The following SCHIP1 variants were observed in gnomAD, a reference collection of about 807,000 sequenced individuals.
SCHIP1 encodes the protein schwannomin-interacting protein 1.
Under a neutral mutation model 29.7 loss-of-function variants are expected in SCHIP1, and 8 were observed. The ratio of observed to expected loss-of-function variants is 0.27; its 90% CI spans 0.16 to 0.49. The LOEUF (loss-of-function observed/expected upper bound fraction) is 0.49. Among genes scored for constraint, SCHIP1 ranks in the 20% least tolerant of loss-of-function variants. SCHIP1 has a pLI of 0.99. For synonymous variants in SCHIP1, 76 were observed against 94.9 expected (o/e 0.80, Z 1.16); for missense variants, 193 against 294.6 (o/e 0.66, Z 2.52).
the SCHIP1 span, among the ~76,000 whole-genome samples, chr3:159,773,205 C>T: frequency 6.6e-6 from 1 of 152,192 alleles, no homozygotes; most frequent in African/African-American, 2.4e-5. Flanking sequence ...CCTGTGCTCT[C>T]AGCACAAATG....
chr3:159,306,597 A>C, the SCHIP1 span: 1 of 926,026 alleles, frequency 1.1e-6, no homozygotes, highest in Non-Finnish European at 1.3e-6. Flanking sequence ...TTATGAAAAA[A>C]ATATACAAAC....
intron 1 of SCHIP1, chr3:159,852,976 C>T (rs550391481): frequency 6.9e-5 from 11 of 160,302 alleles, no homozygotes; most frequent in Non-Finnish European, 9.6e-5. Context: ...AGTCCACACT[C>T]GGCCCTGAAC....
At chr3:159,813,173 G>A in the SCHIP1 span, among the ~76,000 whole-genome samples, 1 of 152,112 alleles carries the variant, frequency 6.6e-6, no homozygotes, top group Non-Finnish European at 1.5e-5. Flanking sequence ...TCAAACCATA[G>A]CAGCTATCTA....
At chr3:159,542,131 A>C in the SCHIP1 span, among the ~76,000 whole-genome samples, 2 of 152,104 alleles carry the variant, frequency 1.3e-5, no homozygotes. Context: ...TAGTAAATTG[A>C]AGCTCCAAAC....
chr3:159,735,181 G>C, the SCHIP1 span, among the ~76,000 whole-genome samples: 1 of 151,384 alleles, frequency 6.6e-6, no homozygotes, highest in Non-Finnish European at 1.5e-5. Context: ...GAACTTTTTT[G>C]GTTCTCATAA....
At chr3:159,463,678 C>G in the SCHIP1 span, among the ~76,000 whole-genome samples, 4 of 151,984 alleles carry the variant, frequency 2.6e-5, no homozygotes. Flanking sequence ...TTGCTCTTCT[C>G]CCCAAAACCT....
chr3:159,463,970 A>G, the SCHIP1 span, among the ~76,000 whole-genome samples: 1 of 152,136 alleles, frequency 6.6e-6, no homozygotes, highest in African/African-American at 2.4e-5. Context: ...TCCCCCATGG[A>G]TGATCATTTA....
the SCHIP1 span, among the ~76,000 whole-genome samples, chr3:159,559,481 T>C: frequency 2.0e-5 from 3 of 152,214 alleles, no homozygotes; most frequent in Non-Finnish European, 4.4e-5. Context: ...CATTTCAAAA[T>C]CCAAACATCA....
the SCHIP1 span, among the ~76,000 whole-genome samples, chr3:159,383,544 T>A: frequency 7.3e-5 from 11 of 150,624 alleles, no homozygotes; most frequent in Non-Finnish European, 1.3e-4. Context: ...GGTAGTGTGA[T>A]GCCTCCAGCT....
the SCHIP1 span, among the ~76,000 whole-genome samples, chr3:159,460,217 T>C: frequency 6.6e-6 from 1 of 152,196 alleles, no homozygotes; most frequent in African/African-American, 2.4e-5. Flanking sequence ...TACCATGCCT[T>C]TGTCTGAACA....
chr3:159,836,436 A>T (rs2108989178), upstream of SCHIP1, among the ~76,000 whole-genome samples: 1 of 152,316 alleles, frequency 6.6e-6, no homozygotes, highest in South Asian at 2.1e-4. Flanking sequence ...TAATACCATC[A>T]TACTGGTGAT....
chr3:159,479,030 C>A, the SCHIP1 span, among the ~76,000 whole-genome samples: 5 of 151,992 alleles, frequency 3.3e-5, no homozygotes, highest in African/African-American at 1.2e-4. Context: ...TCTTCCTTTC[C>A]TATAAAAATG....
At chr3:159,629,322 T>A in the SCHIP1 span, among the ~76,000 whole-genome samples, 2 of 152,116 alleles carry the variant, frequency 1.3e-5, no homozygotes, top group Admixed American at 6.6e-5. Flanking sequence ...AAACACTGAA[T>A]TTTCTTTTTC....
the SCHIP1 span, among the ~76,000 whole-genome samples, chr3:159,674,820 G>T: frequency 1.3e-5 from 2 of 152,060 alleles, no homozygotes; most frequent in African/African-American, 2.4e-5. Context: ...TTGAATATAT[G>T]GGCACATGTC....
chr3:159,493,723 A>G, the SCHIP1 span, among the ~76,000 whole-genome samples: 2 of 152,004 alleles, frequency 1.3e-5, no homozygotes, highest in African/African-American at 4.8e-5. Flanking sequence ...GATATCCAGG[A>G]ATTGAACTCA....
the SCHIP1 span, among the ~76,000 whole-genome samples, chr3:159,679,883 C>G: frequency 2.0e-5 from 3 of 152,044 alleles, no homozygotes; most frequent in Admixed American, 2.0e-4. Flanking sequence ...CACATTCAGC[C>G]CAGGGCCTTT....
intron 2 of SCHIP1, among the ~76,000 whole-genome samples, chr3:159,882,103 A>G (rs962455050): frequency 2.8e-4 from 42 of 152,154 alleles, no homozygotes; most frequent in African/African-American, 8.9e-4. Flanking sequence ...CCACTTCTCA[A>G]TGGGAGAAGC....
chr3:159,717,550 C>T, the SCHIP1 span, among the ~76,000 whole-genome samples: 1 of 152,134 alleles, frequency 6.6e-6, no homozygotes, highest in Non-Finnish European at 1.5e-5. Context: ...AAGGGGATAT[C>T]ACCACCAATC....
the SCHIP1 span, among the ~76,000 whole-genome samples, chr3:159,587,267 G>A: frequency 1.3e-5 from 2 of 151,900 alleles, no homozygotes; most frequent in Non-Finnish European, 2.9e-5. Flanking sequence ...GTATCATCTT[G>A]AAATACAATT....
Sources: allele counts gnomAD v4.1 joint callset (sites outside exome capture counted in the v4.1 genomes callset), GRCh38; gene constraint gnomAD v4.1.1; transcripts MANE v1.5; gene names NCBI Gene and HGNC (gene_info 2026-07-23, HGNC 2026-07-21).